PKIB: variants seen among roughly 807,000 people sequenced by gnomAD.
PKIB encodes the protein PKI-beta.
A neutral mutation model predicts 4.5 loss-of-function variants in PKIB; 2 were observed. The observed-to-expected ratio is 0.44, with a 90% confidence interval of 0.18 to 1.39. The LOEUF is 1.39. Ranked by LOEUF, PKIB falls within the 40% of genes most tolerant of loss-of-function variation. The pLI is 0.27. For synonymous variants in PKIB, 38 were observed against 36.0 expected, an observed-to-expected ratio of 1.06 and a Z score of -0.20; for missense variants, 94 against 92.6, an observed-to-expected ratio of 1.02 and a Z score of -0.06.
intron 1 of PKIB, among the ~76,000 whole-genome samples, chr6:122,613,061 G>A (rs965418960): frequency 1.3e-5 from 2 of 152,088 alleles, no homozygotes; most frequent in Non-Finnish European, 2.9e-5. Context: ...TCTCAGAAAC[G>A]AGATATTTCT....
intron 3 of PKIB, among the ~76,000 whole-genome samples, chr6:122,710,955 G>A (rs1489520045): frequency 6.6e-6 from 1 of 152,042 alleles, no homozygotes; most frequent in Non-Finnish European, 1.5e-5. Context: ...GAATGAGAAG[G>A]GTTTCTTCAA....
chr6:122,555,543 C>A (rs1772811099), intron 2 of PKIB, among the ~76,000 whole-genome samples: 1 of 152,106 alleles, frequency 6.6e-6, no homozygotes, highest in African/African-American at 2.4e-5. Context: ...ACACAAAGTG[C>A]TAAAATCAAG....
intron 2 of PKIB, among the ~76,000 whole-genome samples, chr6:122,490,926 A>G (rs1394852731): frequency 6.6e-6 from 1 of 152,164 alleles, no homozygotes; most frequent in Non-Finnish European, 1.5e-5. Flanking sequence ...GGCTAAGATC[A>G]CCCATCAGTG....
At chr6:122,511,007 G>A (rs1414133372) in intron 2 of PKIB, among the ~76,000 whole-genome samples, 4 of 152,090 alleles carry the variant, frequency 2.6e-5, no homozygotes, top group African/African-American at 9.7e-5. Flanking sequence ...AGACTGGGGG[G>A]ATTGGCAGAA....
chr6:122,701,107 G>A (rs556259611), intron 3 of PKIB: 21 of 204,738 alleles, frequency 1.0e-4, no homozygotes, highest in Admixed American at 1.7e-4. Flanking sequence ...GATGCCCTTC[G>A]GAGTCATGAG....
chr6:122,518,406 A>T (rs1007303163), intron 2 of PKIB, among the ~76,000 whole-genome samples: 11 of 152,114 alleles, frequency 7.2e-5, no homozygotes, highest in African/African-American at 2.7e-4. Flanking sequence ...TCACAGTTTT[A>T]TTGGAGTTCA....
At chr6:122,565,005 T>C (rs559507356) in intron 2 of PKIB, among the ~76,000 whole-genome samples, 2 of 152,160 alleles carry the variant, frequency 1.3e-5, no homozygotes, top group South Asian at 4.2e-4. Flanking sequence ...GAAGTGTGAG[T>C]TTGTGATTTC....
At chr6:122,577,207 G>A (rs929985114) in intron 2 of PKIB, among the ~76,000 whole-genome samples, 2 of 152,110 alleles carry the variant, frequency 1.3e-5, no homozygotes, top group East Asian at 1.9e-4. Flanking sequence ...AGTATCATAC[G>A]CAGATTTCAA....
intron 4 of PKIB, among the ~76,000 whole-genome samples, chr6:122,721,174 TAGATGTTACCATAACTAACCCCA>T (rs1297628270): frequency 6.6e-6 from 1 of 152,184 alleles, no homozygotes; most frequent in Non-Finnish European, 1.5e-5. Context: ...TTTTGATATA[TAGATGTTACCATAACTAACCCCA>T]AACAGGTTAA....
intron 2 of PKIB, among the ~76,000 whole-genome samples, chr6:122,663,670 T>A (rs1266634390): frequency 6.6e-6 from 1 of 152,204 alleles, no homozygotes; most frequent in Non-Finnish European, 1.5e-5. Context: ...TGTGTCTGTC[T>A]TTACGTTGTC....
intron 2 of PKIB, among the ~76,000 whole-genome samples, chr6:122,488,401 TTTCCC>T (rs1775833465): frequency 6.6e-6 from 1 of 152,120 alleles, no homozygotes; most frequent in African/African-American, 2.4e-5. Flanking sequence ...TCTTTTACTT[TTTCCC>T]TTCATATTCT....
intron 3 of PKIB, among the ~76,000 whole-genome samples, chr6:122,689,795 C>T (rs1778246940): frequency 6.6e-6 from 1 of 152,026 alleles, no homozygotes; most frequent in Admixed American, 6.5e-5. Context: ...AGATTAAGTC[C>T]AATGTTTCTT....
chr6:122,552,365 GTTGTTTTGTT>G (rs985903934), intron 2 of PKIB, among the ~76,000 whole-genome samples: 6 of 151,664 alleles, frequency 4.0e-5, no homozygotes, highest in Admixed American at 2.6e-4. Flanking sequence ...CAGTTTTGTT[GTTGTTTTGTT>G]TTGTTTTGTT....
At chr6:122,531,688 G>T (rs9385257) in intron 2 of PKIB, among the ~76,000 whole-genome samples, 20,389 of 152,046 alleles carry the variant, frequency 0.13, 1,500 homozygotes, top group East Asian at 0.26. Flanking sequence ...TCTGGTAAGG[G>T]TTTCCTAACT....
intron 3 of PKIB, among the ~76,000 whole-genome samples, chr6:122,675,495 G>A (rs184142490): frequency 4.5e-4 from 69 of 152,276 alleles, no homozygotes; most frequent in African/African-American, 1.6e-3. Flanking sequence ...TGAGAAGGAA[G>A]AGAAAAAGAG....
intron 1 of PKIB, among the ~76,000 whole-genome samples, chr6:122,473,717 A>C (rs761605297): frequency 1.3e-5 from 2 of 152,214 alleles, no homozygotes; most frequent in African/African-American, 4.8e-5. Flanking sequence ...CTCAAAGCAT[A>C]GTTTTCTCAA....
chr6:122,535,594 C>G (rs1266337680), intron 2 of PKIB, among the ~76,000 whole-genome samples: 1 of 152,144 alleles, frequency 6.6e-6, no homozygotes, highest in Admixed American at 6.6e-5. Flanking sequence ...AGGCTCTTCT[C>G]TTAGTCCTGC....
chr6:122,719,567 A>G (rs1338303036), intron 4 of PKIB, among the ~76,000 whole-genome samples: 3 of 152,144 alleles, frequency 2.0e-5, no homozygotes, highest in Non-Finnish European at 4.4e-5. Context: ...AATTAGGAAA[A>G]TGATGGTCAA....
intron 1 of PKIB, among the ~76,000 whole-genome samples, chr6:122,630,241 A>T (rs980470002): frequency 1.3e-5 from 2 of 152,202 alleles, no homozygotes; most frequent in African/African-American, 2.4e-5. Context: ...TGTTCATAGT[A>T]GCATTATTTA....
Sources: allele counts gnomAD v4.1 joint callset (sites outside exome capture counted in the v4.1 genomes callset), GRCh38; gene constraint gnomAD v4.1.1; transcripts MANE v1.5; gene names NCBI Gene and HGNC (gene_info 2026-07-23, HGNC 2026-07-21).